The following MCU variants were observed in gnomAD, a reference collection of about 807,000 sequenced individuals.
The protein encoded by MCU is mitochondrial calcium uniporter.
In MCU, 12 loss-of-function variants were observed where a neutral mutation model predicts 45.2. That is an observed-to-expected ratio of 0.27 (90% confidence interval 0.17 to 0.43). The LOEUF is 0.43. Ranked by LOEUF, MCU falls within the 20% of genes least tolerant of loss-of-function variation. The probability of loss-of-function intolerance (pLI) is 1.00; values close to 1 mark genes in which losing one functional copy is unlikely to be tolerated. For synonymous variants in MCU, 160 were observed against 165.1 expected (o/e 0.97, Z 0.24); for missense variants, 324 against 436.7 (o/e 0.74, Z 2.30).
At chr10:72,796,164 TGTG>T (rs894336298) in intron 1 of MCU, among the ~76,000 whole-genome samples, 125 of 152,074 alleles carry the variant, frequency 8.2e-4, no homozygotes, top group Non-Finnish European at 1.5e-3. Context: ...ACGGTCCAAT[TGTG>T]GTGACTCATG....
intron 1 of MCU, among the ~76,000 whole-genome samples, chr10:72,830,373 C>G (rs147026771): frequency 1.3e-5 from 2 of 152,098 alleles, no homozygotes; most frequent in Non-Finnish European, 2.9e-5. Flanking sequence ...AATTTATGAA[C>G]TCATAGAGGA....
chr10:72,712,424 C>T (rs1051892498), intron 1 of MCU: 1 of 152,166 alleles, frequency 6.6e-6, no homozygotes, highest in Non-Finnish European at 1.5e-5. Context: ...GATTGAGCTG[C>T]TGCAACAAAA....
At chr10:72,856,504 T>A (rs1845292531) in intron 2 of MCU, among the ~76,000 whole-genome samples, 2 of 152,184 alleles carry the variant, frequency 1.3e-5, no homozygotes, top group African/African-American at 4.8e-5. Context: ...ACTACAACTA[T>A]GGAAAGCTTG....
intron 1 of MCU, among the ~76,000 whole-genome samples, chr10:72,707,647 G>GTGTGTGTA (rs71021526): frequency 0.031 from 4,556 of 146,938 alleles, 154 homozygotes; most frequent in East Asian, 0.11. Flanking sequence ...GTGTGTGTGT[G>GTGTGTGTA]TTTCCCACCA....
Position 72,797,752 on chromosome 10 carries a change from C to T in MCU, c.151-36607C>T, listed in dbSNP as rs932347672. Among the ~76,000 whole-genome samples the T allele has an allele frequency of 3.3e-5, 5 of 152,164 alleles. No individual in the cohort carries two copies. The South Asian group carries it at 6.2e-4, about 19-fold the overall frequency. ...GTTTCACTGTGTTGGCCAGGCTGGT[C>T]TCGAGCTCCTGACCTCAGGTGATCC... On this transcript the variant is annotated intron_variant, in intron 1 of 7. Coordinates refer to ENST00000373053, the MANE Select transcript of MCU (RefSeq NM_138357.3).
At chr10:72,766,174 CAT>C (rs1431056401) in intron 1 of MCU, among the ~76,000 whole-genome samples, 2 of 152,176 alleles carry the variant, frequency 1.3e-5, no homozygotes, top group African/African-American at 2.4e-5. Flanking sequence ...GACTGTTTTT[CAT>C]TTCTTGACAT....
intron 2 of MCU, among the ~76,000 whole-genome samples, chr10:72,847,525 C>T (rs569901291): frequency 6.6e-6 from 1 of 152,234 alleles, no homozygotes; most frequent in Admixed American, 6.5e-5. Flanking sequence ...AAAAAAAATA[C>T]TATATATAGG....
At position 72,693,173 on chromosome 10, in the gene MCU, A is replaced by AGTGT. The variant is rs112298026; in HGVS notation, c.150+896_150+899dup. 1,682 of 799,116 alleles carry AGTGT rather than the reference A, an allele frequency of 2.1e-3. 2 individuals carry two copies. Among genetic ancestry groups the AGTGT allele is most frequent in the African/African-American group, 5.9e-3 (329 of 55,606 alleles). 49.5% of individuals were successfully genotyped at this position (799,116 alleles called of 1,614,324 possible). On this transcript the variant is annotated intron_variant, in intron 1 of 7. Coordinates refer to ENST00000373053, the MANE Select transcript of MCU (RefSeq NM_138357.3). ...ATTTCTGTTTGAACACTCTTGGGTG[A>AGTGT]GTGTGTGTGTGTGTGTGTGTGTGTG...
At chr10:72,740,648 C>T (rs1843314352) in intron 1 of MCU, among the ~76,000 whole-genome samples, 1 of 152,120 alleles carries the variant, frequency 6.6e-6, no homozygotes. Flanking sequence ...TGTTTGTTTT[C>T]CTGATTTCTG....
At chr10:72,795,950 A>G (rs1031281914) in intron 1 of MCU, among the ~76,000 whole-genome samples, 1 of 152,014 alleles carries the variant, frequency 6.6e-6, no homozygotes, top group African/African-American at 2.4e-5. Flanking sequence ...GTCAGCTGAG[A>G]TCGCACCACT....
chr10:72,734,252 A>G (rs1011296113), intron 1 of MCU, among the ~76,000 whole-genome samples: 9 of 152,184 alleles, frequency 5.9e-5, no homozygotes, highest in Non-Finnish European at 1.2e-4. Context: ...TTTCTAAAAA[A>G]GAAAGAAAGA....
At chr10:72,817,247 T>G (rs1421652830) in intron 1 of MCU, among the ~76,000 whole-genome samples, 1 of 152,190 alleles carries the variant, frequency 6.6e-6, no homozygotes, top group Non-Finnish European at 1.5e-5. Flanking sequence ...GATATGTTTG[T>G]TTTTTACCCT....
chr10:72,698,049 G>A (rs1292457061), intron 1 of MCU, among the ~76,000 whole-genome samples: 1 of 151,500 alleles, frequency 6.6e-6, no homozygotes, highest in Non-Finnish European at 1.5e-5. Context: ...CCAGAGTGTT[G>A]GGATTACAGG....
At chr10:72,793,684 C>G (rs1024900001) in intron 1 of MCU, among the ~76,000 whole-genome samples, 1 of 151,956 alleles carries the variant, frequency 6.6e-6, no homozygotes, top group Non-Finnish European at 1.5e-5. Context: ...TAGCTGGGCC[C>G]TTGGTTGGGG....
chr10:72,749,210 T>C (rs1348073488), intron 1 of MCU, among the ~76,000 whole-genome samples: 1 of 152,110 alleles, frequency 6.6e-6, no homozygotes, highest in East Asian at 1.9e-4. Context: ...GCTTGAGCCC[T>C]GGAGGACAAG....
chr10:72,815,086 A>G (rs1844605117), intron 1 of MCU, among the ~76,000 whole-genome samples: 1 of 152,224 alleles, frequency 6.6e-6, no homozygotes, highest in African/African-American at 2.4e-5. Flanking sequence ...ATAAGGGGAA[A>G]CAAAAGACAT....
At chr10:72,811,682 T>C (rs896623349) in intron 1 of MCU, among the ~76,000 whole-genome samples, 1 of 152,250 alleles carries the variant, frequency 6.6e-6, no homozygotes, top group Non-Finnish European at 1.5e-5. Context: ...GAGCTTATCA[T>C]TTAATGATTT....
At chr10:72,883,921 A>C (rs995322298) in intron 6 of MCU, among the ~76,000 whole-genome samples, 1 of 152,210 alleles carries the variant, frequency 6.6e-6, no homozygotes, top group African/African-American at 2.4e-5. Flanking sequence ...AGAAAATAAG[A>C]AAACAATTAC....
At chr10:72,805,178 T>TTTCCTTCCTTCCTTCC (rs375373722) in intron 1 of MCU, among the ~76,000 whole-genome samples, 14 of 140,440 alleles carry the variant, frequency 1.0e-4, no homozygotes, top group African/African-American at 4.3e-4. Flanking sequence ...TCTCTCTCTC[T>TTTCCTTCCTTCCTTCC]TTCCTTCCTT....
Sources: gnomAD v4.1 joint callset for allele counts (sites outside exome capture counted in the v4.1 genomes callset) on GRCh38, gnomAD v4.1.1 for gene constraint, MANE v1.5 for transcripts, NCBI Gene and HGNC (gene_info 2026-07-23, HGNC 2026-07-21) for gene names.